The following HDAC9 variants were observed in gnomAD, a reference collection of about 807,000 sequenced individuals.
The protein encoded by HDAC9 is histone deacetylase 9, also known as MEF-2 interacting transcription repressor (MITR) protein.
HDAC9 carries 41 observed loss-of-function variants against 139.4 expected under a neutral mutation model. The observed-to-expected ratio is 0.29, with a 90% confidence interval of 0.23 to 0.38. The LOEUF is 0.38. Ranked by LOEUF, HDAC9 falls within the 10% of genes least tolerant of loss-of-function variation. HDAC9 has a pLI of 1.00. For synonymous variants in HDAC9, 517 were observed against 476.2 expected (o/e 1.09, Z -1.12); for missense variants, 1,147 against 1,297.0 (o/e 0.88, Z 1.78).
intron 1 of HDAC9, among the ~76,000 whole-genome samples, chr7:18,439,217 TTCTC>T (rs1312055897): frequency 6.6e-6 from 1 of 152,162 alleles, no homozygotes; most frequent in Non-Finnish European, 1.5e-5. Context: ...GTCTGTTTCA[TTCTC>T]TCTCTCTTTC....
In HDAC9 at chr7:18,580,849, G is replaced by C. The variant is rs540495660; in HGVS notation, c.23-4432G>C. Among the ~76,000 whole-genome samples the C allele has an allele frequency of 2.0e-5, 3 of 152,276 alleles. No homozygotes were observed. In the East Asian group the frequency reaches 5.8e-4, roughly 29 times the overall value. On this transcript the variant is annotated intron_variant, in intron 2 of 25. Coordinates refer to ENST00000686413, the MANE Select transcript of HDAC9 (RefSeq NM_178425.4). ...TGCCCTTTCTTAAACATACTGGGAT[G>C]TAAAAGTGACCATAACTTGTTGAAA...
At chr7:18,835,229 AT>A (rs1796148976) in intron 19 of HDAC9, among the ~76,000 whole-genome samples, 1 of 152,116 alleles carries the variant, frequency 6.6e-6, no homozygotes, top group African/African-American at 2.4e-5. Flanking sequence ...TGGTTTCCTG[AT>A]TTTTAGAAGC....
intron 1 of HDAC9, among the ~76,000 whole-genome samples, chr7:18,409,531 A>G (rs1049418630): frequency 1.3e-5 from 2 of 152,072 alleles, no homozygotes; most frequent in Non-Finnish European, 2.9e-5. Context: ...TCCCTTCCCA[A>G]CCCTCAGAAA....
intron 16 of HDAC9, 135 bp downstream of exon 16, chr7:18,767,290 G>A: frequency 2.1e-6 from 1 of 486,960 alleles, no homozygotes; most frequent in Non-Finnish European, 3.6e-6. Flanking sequence ...TACTTAATTT[G>A]CAGAGCTAAG....
intron 2 of HDAC9, among the ~76,000 whole-genome samples, chr7:18,273,862 C>T (rs1443009403): frequency 1.3e-5 from 2 of 152,150 alleles, no homozygotes; most frequent in Non-Finnish European, 2.9e-5. Flanking sequence ...TAGGGAAATG[C>T]AAATCAAAAC....
intron 13 of HDAC9, among the ~76,000 whole-genome samples, chr7:18,731,068 A>C (rs1320649650): frequency 6.6e-6 from 1 of 152,214 alleles, no homozygotes; most frequent in East Asian, 1.9e-4. Flanking sequence ...GGCAAGCCGG[A>C]GTGGGGCACT....
At chr7:18,420,452 A>G (rs1159517724) in intron 1 of HDAC9, among the ~76,000 whole-genome samples, 3 of 152,220 alleles carry the variant, frequency 2.0e-5, no homozygotes, top group African/African-American at 2.4e-5. Flanking sequence ...AACAATAAAC[A>G]GAGTTCCTGT....
At chr7:18,247,341 GA>G (rs893287546) in intron 2 of HDAC9, among the ~76,000 whole-genome samples, 1 of 151,942 alleles carries the variant, frequency 6.6e-6, no homozygotes, top group African/African-American at 2.4e-5. Context: ...GAGGGGCACA[GA>G]AAAAAACTAT....
At chr7:18,815,229 A>C (rs576503799) in intron 17 of HDAC9, among the ~76,000 whole-genome samples, 10 of 152,042 alleles carry the variant, frequency 6.6e-5, no homozygotes, top group African/African-American at 2.4e-4. Flanking sequence ...GAAGTTTTGC[A>C]TACTTGGGCC....
intron 22 of HDAC9, among the ~76,000 whole-genome samples, chr7:18,895,751 T>C (rs1801136064): frequency 6.6e-6 from 1 of 152,126 alleles, no homozygotes; most frequent in Non-Finnish European, 1.5e-5. Context: ...CTGTCTATTC[T>C]CTTGTAAGGT....
intron 12 of HDAC9, among the ~76,000 whole-genome samples, chr7:18,696,384 CAT>C (rs1480090453): frequency 8.1e-5 from 12 of 147,862 alleles, no homozygotes; most frequent in African/African-American, 2.5e-4. Context: ...AGTATAATAA[CAT>C]ATTATACTAT....
At chr7:18,247,821 G>T (rs1794653664) in intron 2 of HDAC9, among the ~76,000 whole-genome samples, 1 of 152,128 alleles carries the variant, frequency 6.6e-6, no homozygotes, top group African/African-American at 2.4e-5. Flanking sequence ...AAAAGAAACA[G>T]ATCTGAGAGA....
intron 21 of HDAC9, among the ~76,000 whole-genome samples, chr7:18,845,015 A>T (rs1476432284): frequency 6.6e-6 from 1 of 152,158 alleles, no homozygotes; most frequent in African/African-American, 2.4e-5. Flanking sequence ...GAACAGAGAT[A>T]ATAAAATCTG....
At chr7:18,974,197 G>T (rs1206448753) in intron 24 of HDAC9, among the ~76,000 whole-genome samples, 1 of 152,166 alleles carries the variant, frequency 6.6e-6, no homozygotes, top group East Asian at 1.9e-4. Flanking sequence ...TGAAGATCAA[G>T]AAAAGATTTG....
At chr7:18,968,486 A>G (rs1173920561) in intron 24 of HDAC9, among the ~76,000 whole-genome samples, 1 of 152,212 alleles carries the variant, frequency 6.6e-6, no homozygotes, top group Non-Finnish European at 1.5e-5. Context: ...TGTTCCATAC[A>G]TATATGGAAC....
intron 19 of HDAC9, among the ~76,000 whole-genome samples, chr7:18,833,597 T>C (rs1796014450): frequency 6.6e-6 from 1 of 152,198 alleles, no homozygotes; most frequent in Non-Finnish European, 1.5e-5. Context: ...GGAAAATAGT[T>C]TTTTTGTCTC....
chr7:18,412,754 T>C (rs1788692282), intron 1 of HDAC9, among the ~76,000 whole-genome samples: 1 of 152,198 alleles, frequency 6.6e-6, no homozygotes, highest in Non-Finnish European at 1.5e-5. Context: ...TCCAGTTTTC[T>C]TAGTTCAACT....
intron 1 of HDAC9, among the ~76,000 whole-genome samples, chr7:18,122,027 C>G: frequency 6.6e-6 from 1 of 152,132 alleles, no homozygotes; most frequent in Non-Finnish European, 1.5e-5. Context: ...CTTCAACATG[C>G]CAGTTCCCCA....
chr7:18,734,026 A>G (rs1000916323), intron 13 of HDAC9, among the ~76,000 whole-genome samples: 2 of 152,172 alleles, frequency 1.3e-5, no homozygotes, highest in African/African-American at 2.4e-5. Context: ...AATATCCTCA[A>G]TTAGTCCTAT....
Sources: allele counts gnomAD v4.1 joint callset (sites outside exome capture counted in the v4.1 genomes callset), GRCh38; gene constraint gnomAD v4.1.1; transcripts MANE v1.5; gene names NCBI Gene and HGNC (gene_info 2026-07-23, HGNC 2026-07-21).